RIMS2: variants seen among roughly 807,000 people sequenced by gnomAD.
RIMS2 encodes regulating synaptic membrane exocytosis 2, also known as regulating synaptic membrane exocytosis protein 2.
Under a neutral mutation model 174.4 loss-of-function variants are expected in RIMS2, and 59 were observed. That is an observed-to-expected ratio of 0.34 (90% CI 0.27 to 0.42). RIMS2 has a LOEUF of 0.42. RIMS2 is among the 10% of genes least tolerant of loss of function. The pLI, the probability that RIMS2 is intolerant of heterozygous loss-of-function variation, is 1.00. For synonymous variants in RIMS2, 606 were observed against 572.5 expected (o/e 1.06, Z -0.84); for missense variants, 1,620 against 1,666.3 (o/e 0.97, Z 0.48).
chr8:103,612,697 G>T (rs1363795498), intron 1 of RIMS2, among the ~76,000 whole-genome samples: 1 of 152,136 alleles, frequency 6.6e-6, no homozygotes, highest in Non-Finnish European at 1.5e-5. Flanking sequence ...TCCTGCCTCA[G>T]CCTCTCAAGT....
chr8:104,223,690 G>T, intron 19 of RIMS2: 5 of 1,591,926 alleles, frequency 3.1e-6, no homozygotes, highest in Non-Finnish European at 4.3e-6. Context: ...GCGCTGCGGG[G>T]CGCTCCATGC....
chr8:103,516,579 C>T (rs1829077271), intron 1 of RIMS2, among the ~76,000 whole-genome samples: 1 of 151,960 alleles, frequency 6.6e-6, no homozygotes, highest in African/African-American at 2.4e-5. Flanking sequence ...GAAGGAAATA[C>T]AAACAATAAA....
At chr8:103,673,319 G>A (rs1311962643) in intron 1 of RIMS2, among the ~76,000 whole-genome samples, 1 of 152,188 alleles carries the variant, frequency 6.6e-6, no homozygotes, top group African/African-American at 2.4e-5. Context: ...AGTGCCCCAG[G>A]GGGGACTCTG....
chr8:103,917,027 T>C (rs2076742774), intron 8 of RIMS2, among the ~76,000 whole-genome samples: 1 of 152,206 alleles, frequency 6.6e-6, no homozygotes, highest in African/African-American at 2.4e-5. Flanking sequence ...TTGTAATTTA[T>C]ACCTCTGTTT....
chr8:104,000,531 T>G (rs2095338914), intron 17 of RIMS2, among the ~76,000 whole-genome samples: 1 of 151,864 alleles, frequency 6.6e-6, no homozygotes, highest in African/African-American at 2.4e-5. Flanking sequence ...GGAGTGCAGG[T>G]ATCTCTTCAA....
chr8:103,589,305 A>C (rs376795380), intron 1 of RIMS2, among the ~76,000 whole-genome samples: 1 of 145,180 alleles, frequency 6.9e-6, no homozygotes, highest in South Asian at 2.2e-4. Context: ...AGACATGCAA[A>C]TGGCAAAGAG....
At chr8:103,606,917 C>A (rs1301038085) in intron 1 of RIMS2, among the ~76,000 whole-genome samples, 1 of 151,852 alleles carries the variant, frequency 6.6e-6, no homozygotes, top group Non-Finnish European at 1.5e-5. Flanking sequence ...GATGGGTTTC[C>A]TGAATACAGC....
intron 17 of RIMS2, among the ~76,000 whole-genome samples, chr8:104,006,717 T>G (rs899492983): frequency 6.6e-6 from 1 of 151,666 alleles, no homozygotes; most frequent in African/African-American, 2.4e-5. Flanking sequence ...TGTGTATTTT[T>G]ACATATGCTT....
intron 2 of RIMS2, among the ~76,000 whole-genome samples, chr8:103,746,070 T>A (rs1220766614): frequency 6.6e-6 from 1 of 152,260 alleles, no homozygotes; most frequent in Non-Finnish European, 1.5e-5. Flanking sequence ...TTAATAATTA[T>A]GTAGCTTTAG....
chr8:104,143,245 T>C (rs1465505525), intron 19 of RIMS2, among the ~76,000 whole-genome samples: 1 of 152,220 alleles, frequency 6.6e-6, no homozygotes, highest in Non-Finnish European at 1.5e-5. Context: ...TAGATGGTAA[T>C]CTGAGTTTAA....
intron 4 of RIMS2, among the ~76,000 whole-genome samples, chr8:103,894,118 T>C (rs1196551110): frequency 2.6e-5 from 4 of 152,208 alleles, no homozygotes; most frequent in Admixed American, 2.0e-4. Flanking sequence ...TAACTTTTCT[T>C]AATGAACTTA....
At position 103,532,569 on chromosome 8, in the gene RIMS2, G is replaced by A. The variant is rs185088414; in HGVS notation, c.176+31507G>A. Among the ~76,000 whole-genome samples, 238 of 152,310 alleles carry A rather than the reference G, an allele frequency of 1.6e-3. 2 individuals carry two copies. Among genetic ancestry groups the A allele is most frequent in the African/African-American group, 5.2e-3 (216 of 41,560 alleles). On this transcript the variant is annotated intron_variant, in intron 1 of 23. Coordinates refer to ENST00000504942, the Ensembl canonical transcript of RIMS2. ...AAAGGATACGACTTGTGAAAAATAT[G>A]GAATTGGAGCAAAGCTATGCTCATT...
intron 19 of RIMS2, among the ~76,000 whole-genome samples, chr8:104,114,783 A>G (rs562705733): frequency 7.9e-4 from 120 of 152,084 alleles, no homozygotes; most frequent in Non-Finnish European, 1.4e-3. Context: ...AAATATCAAT[A>G]TGCTTACAGT....
intron 1 of RIMS2, among the ~76,000 whole-genome samples, chr8:103,625,929 A>G (rs1467894653): frequency 6.6e-6 from 1 of 151,738 alleles, no homozygotes; most frequent in Non-Finnish European, 1.5e-5. Flanking sequence ...TACACACACT[A>G]GTAAATTGTT....
chr8:104,197,210 T>C (rs1260595567), intron 19 of RIMS2, among the ~76,000 whole-genome samples: 1 of 151,006 alleles, frequency 6.6e-6, no homozygotes, highest in Non-Finnish European at 1.5e-5. Context: ...AGTTTTGCTC[T>C]TGTTGCCCAG....
At position 103,787,401 on chromosome 8, in the gene RIMS2, A is replaced by G. The variant is rs1478263356; in HGVS notation, c.698+20864A>G. ...TTACATTTTGGCATGATTTTGCAGC[A>G]GCTGGTACCGGTTGTTCCTTTCCAT... On this transcript the variant is annotated intron_variant, in intron 3 of 23. Transcript: ENST00000504942. 2.1e-4 allele frequency among the ~76,000 whole-genome samples: 31 copies of G among 151,112 alleles called. 1 individual carries two copies. Among genetic ancestry groups the G allele is most frequent in the African/African-American group, 6.3e-4 (26 of 41,188 alleles).
At position 104,139,532 on chromosome 8, in the gene RIMS2, A is replaced by G. The variant is rs150356318; in HGVS notation, c.3335-105384A>G. 1.1e-3 allele frequency among the ~76,000 whole-genome samples: 163 copies of G among 152,082 alleles called. 1 individual carries two copies. Among genetic ancestry groups the G allele is most frequent in the African/African-American group, 3.7e-3 (154 of 41,508 alleles). On this transcript the variant is annotated intron_variant, in intron 19 of 23. Coordinates refer to ENST00000504942, the Ensembl canonical transcript of RIMS2. Reference sequence around the variant, plus strand: ...ATGTCATTTGTAGCTATTATATGTGAGATTACTTTCTTGATTTCTTTTTCA... The same window carrying G: ...ATGTCATTTGTAGCTATTATATGTGGGATTACTTTCTTGATTTCTTTTTCA...
intron 3 of RIMS2, among the ~76,000 whole-genome samples, chr8:103,854,575 G>T (rs2099017023): frequency 6.6e-6 from 1 of 151,500 alleles, no homozygotes; most frequent in Non-Finnish European, 1.5e-5. Flanking sequence ...TAATCATGAA[G>T]AGATGTTGGA....
intron 19 of RIMS2, among the ~76,000 whole-genome samples, chr8:104,148,035 TG>T (rs34927193): frequency 0.27 from 40,577 of 152,010 alleles, 5,531 homozygotes; most frequent in Non-Finnish European, 0.3. Flanking sequence ...TTAAGTAAAG[TG>T]AAATAAAGTT....
Sources: gnomAD v4.1 joint callset for allele counts (sites outside exome capture counted in the v4.1 genomes callset) on GRCh38, gnomAD v4.1.1 for gene constraint, MANE v1.5 for transcripts, NCBI Gene and HGNC (gene_info 2026-07-23, HGNC 2026-07-21) for gene names.